TXLNB: variants seen among roughly 807,000 people sequenced by gnomAD.
The protein encoded by TXLNB is taxilin beta, also known as beta-taxilin.
Under a neutral mutation model 57.4 loss-of-function variants are expected in TXLNB, and 37 were observed. The ratio of observed to expected loss-of-function variants is 0.64; its 90% CI spans 0.50 to 0.85. The LOEUF (loss-of-function observed/expected upper bound fraction) is 0.85, where lower values mean the gene tolerates loss of function less well. Among genes scored for constraint, TXLNB ranks in the 40% least tolerant of loss-of-function variants. The probability of loss-of-function intolerance (pLI) is 0.00; values close to 1 mark genes in which losing one functional copy is unlikely to be tolerated. For missense variants in TXLNB, 848 were observed against 825.6 expected (o/e 1.03, Z -0.33); for synonymous variants, 302 against 309.6 (o/e 0.98, Z 0.26).
chr6:139,272,589 AAAAT>A (rs778217867), intron 3 of TXLNB, among the ~76,000 whole-genome samples: 7 of 152,250 alleles, frequency 4.6e-5, no homozygotes, highest in East Asian at 1.9e-4. Flanking sequence ...TCCTCCTTGG[AAAAT>A]AAATAATCTG....
the TXLNB span, among the ~76,000 whole-genome samples, chr6:139,182,082 T>TA: frequency 1.3e-5 from 2 of 152,228 alleles, no homozygotes; most frequent in African/African-American, 2.4e-5. Flanking sequence ...TATACTGTGA[T>TA]CAAGAATAGT....
chr6:139,247,532 C>CTT (rs61368061), intron 8 of TXLNB, among the ~76,000 whole-genome samples: 139 of 63,052 alleles, frequency 2.2e-3, no homozygotes, highest in Middle Eastern at 0.013. Context: ...CTCTGGTCTT[C>CTT]TTTTTTTTTT....
the TXLNB span, among the ~76,000 whole-genome samples, chr6:139,186,962 T>C: frequency 6.6e-6 from 1 of 152,140 alleles, no homozygotes; most frequent in South Asian, 2.1e-4. Context: ...GGAATATTAA[T>C]GAGAAGAGAA....
chr6:139,309,638 A>G, the TXLNB span, among the ~76,000 whole-genome samples: 2 of 152,298 alleles, frequency 1.3e-5, no homozygotes, highest in East Asian at 1.9e-4. Flanking sequence ...TGAAAATACA[A>G]AAAGGGCCAG....
chr6:139,204,976 G>C, the TXLNB span, among the ~76,000 whole-genome samples: 9 of 152,152 alleles, frequency 5.9e-5, no homozygotes, highest in Admixed American at 3.9e-4. Context: ...AGGAGAGTCT[G>C]AGCTCAGACC....
intron 7 of TXLNB, among the ~76,000 whole-genome samples, chr6:139,250,357 C>CTTTTTTTTTT (rs61441759): frequency 8.4e-6 from 1 of 118,892 alleles, no homozygotes; most frequent in Non-Finnish European, 1.7e-5. Flanking sequence ...TTCTTTCTTT[C>CTTTTTTTTTT]TTTTTTTTTT....
the TXLNB span, among the ~76,000 whole-genome samples, chr6:139,220,203 G>A: frequency 2.0e-5 from 3 of 152,214 alleles, no homozygotes; most frequent in Admixed American, 2.0e-4. Flanking sequence ...TGTCTATGAA[G>A]AAGCAGATCT....
At chr6:139,299,202 T>C in the TXLNB span, among the ~76,000 whole-genome samples, 4,052 of 152,258 alleles carry the variant, frequency 0.027, 85 homozygotes, top group East Asian at 0.12. Context: ...GGGATTGCCT[T>C]GTTGCTGCAC....
At chr6:139,227,424 C>G in the TXLNB span, among the ~76,000 whole-genome samples, 1 of 151,776 alleles carries the variant, frequency 6.6e-6, no homozygotes, top group Non-Finnish European at 1.5e-5. Flanking sequence ...ACAACTGATA[C>G]ATGATGTGTG....
In TXLNB at chr6:139,285,302, A is replaced by ACC. The variant is rs1268777632; in HGVS notation, c.424+3173_424+3174insGG. Among the ~76,000 whole-genome samples the ACC allele has an allele frequency of 5.6e-5, 6 of 107,232 alleles. 1 individual carries two copies. The highest frequency in any genetic ancestry group is 2.0e-4 in the African/African-American group (6 of 29,826). 70.3% of individuals were successfully genotyped at this position (107,232 alleles called of 152,430 possible). A position where few individuals can be genotyped will look rare whatever the true frequency, so the allele number is the denominator to read the frequency against. ...CACACACACACACACACACACACAC[A>ACC]CACCCCAATTCTTATGTAAAAGTTT... On this transcript the variant is annotated intron_variant, in intron 2 of 9. Coordinates refer to ENST00000358430, the MANE Select transcript of TXLNB (RefSeq NM_153235.4).
chr6:139,315,028 C>T, the TXLNB span, among the ~76,000 whole-genome samples: 1 of 152,076 alleles, frequency 6.6e-6, no homozygotes, highest in African/African-American at 2.4e-5. Context: ...TCTGAACCCC[C>T]CAAATTGTTC....
chr6:139,323,879 AG>A, the TXLNB span, among the ~76,000 whole-genome samples: 531 of 152,230 alleles, frequency 3.5e-3, 2 homozygotes, highest in South Asian at 0.011. Flanking sequence ...GGTTTACAAC[AG>A]GGGACAGTCA....
chr6:139,164,804 C>A, the TXLNB span, among the ~76,000 whole-genome samples: 1 of 151,490 alleles, frequency 6.6e-6, no homozygotes, highest in Non-Finnish European at 1.5e-5. Flanking sequence ...CGCCCCCCAC[C>A]GCTCATACAA....
chr6:139,168,600 T>TCAGGACCTGGTGTACC, the TXLNB span, among the ~76,000 whole-genome samples: 22 of 152,204 alleles, frequency 1.4e-4, no homozygotes, highest in Non-Finnish European at 2.8e-4. Context: ...CCTGGTGCAC[T>TCAGGACCTGGTGTACC]CAGGACCTGG....
downstream of TXLNB, among the ~76,000 whole-genome samples, chr6:139,238,542 C>T (rs1267284177): frequency 6.6e-6 from 1 of 152,132 alleles, no homozygotes; most frequent in Non-Finnish European, 1.5e-5. Flanking sequence ...ATTTGTAGAA[C>T]TTTTATCAAG....
At position 139,242,189 on chromosome 6, in the gene TXLNB, C is replaced by T. The variant is rs760800682; in HGVS notation, c.*337G>A. The T allele has an allele frequency of 5.5e-6, 1 of 183,256 alleles. No homozygotes were observed. Among genetic ancestry groups the T allele is most frequent in the Non-Finnish European group, 1.1e-5 (1 of 89,646 alleles). 11.4% of individuals were successfully genotyped at this position (183,256 alleles called of 1,614,324 possible). On this transcript the variant is annotated 3_prime_UTR_variant, in exon 10 of 10. Coordinates refer to ENST00000358430, the MANE Select transcript of TXLNB (RefSeq NM_153235.4). Reference sequence around the variant, plus strand: ...TCACATTTTCAGTATTTATATATTGCAGTGGAAGTCTTTAAACATCAAATC... The same window carrying T: ...TCACATTTTCAGTATTTATATATTGTAGTGGAAGTCTTTAAACATCAAATC...
chr6:139,264,802 T>C (rs991737788), intron 4 of TXLNB, among the ~76,000 whole-genome samples: 1 of 152,136 alleles, frequency 6.6e-6, no homozygotes, highest in African/African-American at 2.4e-5. Context: ...TCAGATGATC[T>C]GCCCACCTTG....
At chr6:139,300,338 A>T in the TXLNB span, among the ~76,000 whole-genome samples, 2 of 152,170 alleles carry the variant, frequency 1.3e-5, no homozygotes, top group African/African-American at 2.4e-5. Context: ...TGGCTTTGAT[A>T]GGATGTAGAA....
chr6:139,159,393 A>G, the TXLNB span: 2 of 152,240 alleles, frequency 1.3e-5, no homozygotes, highest in Non-Finnish European at 2.9e-5. Flanking sequence ...TGTAATAACC[A>G]GTTCACTTTT....
Sources: gnomAD v4.1 joint callset for allele counts (sites outside exome capture counted in the v4.1 genomes callset) on GRCh38, gnomAD v4.1.1 for gene constraint, MANE v1.5 for transcripts, NCBI Gene and HGNC (gene_info 2026-07-23, HGNC 2026-07-21) for gene names.